The following DOK5 variants were observed in gnomAD, a reference collection of about 807,000 sequenced individuals.
DOK5 encodes downstream of tyrosine kinase 5.
DOK5 carries 27 observed loss-of-function variants against 43.3 expected under a neutral mutation model. The ratio of observed to expected loss-of-function variants is 0.62; its 90% CI spans 0.46 to 0.86. DOK5 has a LOEUF of 0.86. Among genes scored for constraint, DOK5 ranks in the 40% least tolerant of loss-of-function variants. DOK5 has a pLI of 0.00. For missense variants in DOK5, 373 were observed against 392.9 expected, an observed-to-expected ratio of 0.95 and a Z score of 0.43; for synonymous variants, 146 against 140.1, an observed-to-expected ratio of 1.04 and a Z score of -0.30.
chr20:54,508,888 A>AT (rs1316448226), intron 1 of DOK5, among the ~76,000 whole-genome samples: 1 of 150,386 alleles, frequency 6.6e-6, no homozygotes, highest in Non-Finnish European at 1.5e-5. Flanking sequence ...CTATTTATTT[A>AT]TTTTTTTAGA....
At chr20:54,492,402 G>C (rs563508000) in intron 1 of DOK5, among the ~76,000 whole-genome samples, 1 of 152,016 alleles carries the variant, frequency 6.6e-6, no homozygotes, top group South Asian at 2.1e-4. Context: ...TTTTATGAAT[G>C]GTCAATATTC....
At chr20:54,598,855 T>C (rs1341577499) in intron 5 of DOK5, among the ~76,000 whole-genome samples, 1 of 152,222 alleles carries the variant, frequency 6.6e-6, no homozygotes, top group Non-Finnish European at 1.5e-5. Flanking sequence ...TGAAGGCATC[T>C]GAACAGCTTT....
intron 2 of DOK5, among the ~76,000 whole-genome samples, chr20:54,576,694 C>T (rs1445575873): frequency 6.6e-6 from 1 of 152,168 alleles, no homozygotes; most frequent in African/African-American, 2.4e-5. Flanking sequence ...TCTTAAATTT[C>T]ATTTGAGTGG....
chr20:54,634,663 G>A (rs1431015592), intron 6 of DOK5, among the ~76,000 whole-genome samples: 4 of 151,612 alleles, frequency 2.6e-5, no homozygotes, highest in East Asian at 1.9e-4. Flanking sequence ...GGATGGTCTC[G>A]ATCTCCTGAC....
chr20:54,503,006 C>G (rs541268102), intron 1 of DOK5, among the ~76,000 whole-genome samples: 1 of 152,152 alleles, frequency 6.6e-6, no homozygotes, highest in African/African-American at 2.4e-5. Context: ...TATTGATCTA[C>G]AGTATGCACA....
intron 7 of DOK5, among the ~76,000 whole-genome samples, chr20:54,647,584 A>C (rs529328409): frequency 1.2e-4 from 19 of 152,284 alleles, no homozygotes; most frequent in East Asian, 7.7e-4. Context: ...AATACTATTC[A>C]CTGGATTCTT....
intron 5 of DOK5, among the ~76,000 whole-genome samples, chr20:54,594,714 A>G (rs530871670): frequency 1.3e-5 from 2 of 152,308 alleles, no homozygotes; most frequent in South Asian, 4.1e-4. Context: ...ATAGTAGTAG[A>G]AAAAAAGTAT....
At position 54,576,216 on chromosome 20, in the gene DOK5, T is replaced by C. The variant is rs188903073; in HGVS notation, c.175-12267T>C. 3.3e-3 allele frequency among the ~76,000 whole-genome samples: 501 copies of C among 152,300 alleles called. 3 individuals are homozygous for C. Among genetic ancestry groups the C allele is most frequent in the Admixed American group, 5.4e-3 (82 of 15,294 alleles). ...ATAAAAGTATAATAATCCAACTTCG[T>C]ATTTCTTAAAATCAGTTATATGTTT... On this transcript the variant is annotated intron_variant, in intron 2 of 7. Coordinates refer to ENST00000262593, the MANE Select transcript of DOK5 (RefSeq NM_018431.5).
chr20:54,647,890 G>A (rs544003585), intron 7 of DOK5, among the ~76,000 whole-genome samples: 9 of 152,278 alleles, frequency 5.9e-5, no homozygotes, highest in African/African-American at 1.9e-4. Flanking sequence ...ATATGAATAA[G>A]CATTCACGTG....
chr20:54,562,163 T>A (rs908943557), intron 2 of DOK5, among the ~76,000 whole-genome samples: 1 of 152,236 alleles, frequency 6.6e-6, no homozygotes, highest in African/African-American at 2.4e-5. Flanking sequence ...TTTGTATCTA[T>A]CTTTCCAACA....
At chr20:54,502,207 G>T (rs964773346) in intron 1 of DOK5, among the ~76,000 whole-genome samples, 7 of 152,176 alleles carry the variant, frequency 4.6e-5, no homozygotes, top group Non-Finnish European at 8.8e-5. Flanking sequence ...CATTCTTGTA[G>T]TTTGGTATAT....
chr20:54,530,808 C>A (rs1177248863), intron 1 of DOK5, among the ~76,000 whole-genome samples: 1 of 152,058 alleles, frequency 6.6e-6, no homozygotes, highest in African/African-American at 2.4e-5. Flanking sequence ...GGGAAGCTTC[C>A]TTTCACCCCT....
chr20:54,515,135 C>T (rs182201077), intron 1 of DOK5, among the ~76,000 whole-genome samples: 254 of 151,988 alleles, frequency 1.7e-3, no homozygotes, highest in African/African-American at 5.7e-3. Flanking sequence ...CTTAGCCTCC[C>T]GAGTAGCTGG....
chr20:54,622,627 G>A (rs1231226645), intron 6 of DOK5, among the ~76,000 whole-genome samples: 4 of 152,196 alleles, frequency 2.6e-5, no homozygotes, highest in Non-Finnish European at 5.9e-5. Context: ...TCGAAAACTA[G>A]TTTTAATACT....
intron 6 of DOK5, among the ~76,000 whole-genome samples, chr20:54,621,343 G>A (rs1334387449): frequency 1.3e-5 from 2 of 152,186 alleles, no homozygotes; most frequent in African/African-American, 2.4e-5. Context: ...TATGGCAAAT[G>A]TAATTGATTC....
At chr20:54,550,724 C>T (rs6098073) in intron 1 of DOK5, among the ~76,000 whole-genome samples, 3,099 of 145,140 alleles carry the variant, frequency 0.021, 100 homozygotes, top group African/African-American at 0.082. Context: ...TATTAATAGT[C>T]AATTTCTTTT....
intron 2 of DOK5, among the ~76,000 whole-genome samples, chr20:54,582,968 T>C (rs2146760617): frequency 6.6e-6 from 1 of 152,110 alleles, no homozygotes; most frequent in African/African-American, 2.4e-5. Context: ...GGTTGTTTAC[T>C]TGAGGTATCT....
chr20:54,548,076 A>G (rs1984404801), intron 1 of DOK5, among the ~76,000 whole-genome samples: 1 of 152,302 alleles, frequency 6.6e-6, no homozygotes, highest in Non-Finnish European at 1.5e-5. Flanking sequence ...TACCATGCAC[A>G]GGATAACCCC....
intron 1 of DOK5, among the ~76,000 whole-genome samples, chr20:54,482,595 C>T (rs138912821): frequency 0.01 from 1,573 of 152,030 alleles, 35 homozygotes; most frequent in African/African-American, 0.036. Context: ...CTCCTGGGTT[C>T]AATCAATTCT....
Sources: gnomAD v4.1 joint callset for allele counts (sites outside exome capture counted in the v4.1 genomes callset) on GRCh38, gnomAD v4.1.1 for gene constraint, MANE v1.5 for transcripts, NCBI Gene and HGNC (gene_info 2026-07-23, HGNC 2026-07-21) for gene names.